Variants in ERBB4 observed in about 807,000 individuals in gnomAD.
ERBB4 encodes erb-b2 receptor tyrosine kinase 4.
ERBB4 carries 42 observed loss-of-function variants against 158.0 expected under a neutral mutation model. The ratio of observed to expected loss-of-function variants is 0.27; its 90% CI spans 0.21 to 0.34. ERBB4 has a LOEUF of 0.34. Ranked by LOEUF, ERBB4 falls within the 10% of genes least tolerant of loss-of-function variation. ERBB4 has a pLI of 1.00. For synonymous variants in ERBB4, 583 were observed against 558.7 expected, an observed-to-expected ratio of 1.04 and a Z score of -0.61; for missense variants, 1,333 against 1,624.1, an observed-to-expected ratio of 0.82 and a Z score of 3.08.
intron 1 of ERBB4, among the ~76,000 whole-genome samples, chr2:212,236,871 G>T (rs916447374): frequency 3.3e-5 from 5 of 151,992 alleles, no homozygotes; most frequent in Admixed American, 2.6e-4. Flanking sequence ...TTCTTTATTA[G>T]TCTGGCTAGC....
At chr2:211,411,797 T>C (rs904527156) in intron 25 of ERBB4, among the ~76,000 whole-genome samples, 2 of 152,214 alleles carry the variant, frequency 1.3e-5, no homozygotes, top group African/African-American at 4.8e-5. Context: ...TTCCAGTTTC[T>C]TCCCTTGATG....
intron 1 of ERBB4, among the ~76,000 whole-genome samples, chr2:212,126,001 T>C (rs1400443903): frequency 6.6e-6 from 1 of 152,212 alleles, no homozygotes; most frequent in Non-Finnish European, 1.5e-5. Context: ...TTTGTAAACA[T>C]ATACTACAAA....
chr2:211,578,265 C>T (rs1428922311), intron 19 of ERBB4, among the ~76,000 whole-genome samples: 6 of 152,068 alleles, frequency 3.9e-5, no homozygotes, highest in East Asian at 3.9e-4. Context: ...AGGACCTCTT[C>T]GAGGAGAACT....
intron 3 of ERBB4, among the ~76,000 whole-genome samples, chr2:211,897,571 G>C (rs892826244): frequency 1.3e-5 from 2 of 151,962 alleles, no homozygotes; most frequent in African/African-American, 4.8e-5. Flanking sequence ...CTCTGAATTA[G>C]ACCCAGCAGG....
At chr2:211,496,888 G>A (rs544421090) in intron 20 of ERBB4, among the ~76,000 whole-genome samples, 18 of 151,974 alleles carry the variant, frequency 1.2e-4, no homozygotes, top group South Asian at 1.0e-3. Context: ...ATGCCATTAC[G>A]GCCAGGCAAT....
At chr2:212,080,311 C>CA (rs919494249) in intron 2 of ERBB4, among the ~76,000 whole-genome samples, 23 of 142,554 alleles carry the variant, frequency 1.6e-4, no homozygotes, top group Admixed American at 7.2e-4. Context: ...GACTCCGTCT[C>CA]AAAAAAAAAT....
intron 2 of ERBB4, among the ~76,000 whole-genome samples, chr2:212,067,000 A>G (rs1460127251): frequency 6.6e-6 from 1 of 152,024 alleles, no homozygotes; most frequent in Non-Finnish European, 1.5e-5. Context: ...TATGGTTTTT[A>G]TAATAGCTTT....
chr2:211,461,173 A>G (rs1040225609), intron 20 of ERBB4, among the ~76,000 whole-genome samples: 7 of 152,156 alleles, frequency 4.6e-5, no homozygotes, highest in Non-Finnish European at 1.0e-4. Flanking sequence ...TGTCATTGGA[A>G]GAGATGAAAA....
chr2:211,505,207 G>T (rs1487124028), intron 20 of ERBB4, among the ~76,000 whole-genome samples: 1 of 151,842 alleles, frequency 6.6e-6, no homozygotes, highest in Non-Finnish European at 1.5e-5. Flanking sequence ...AGAGAGAAGT[G>T]TCAAATCACC....
chr2:212,116,628 G>T (rs2079579786), intron 2 of ERBB4, among the ~76,000 whole-genome samples: 1 of 152,038 alleles, frequency 6.6e-6, no homozygotes, highest in Non-Finnish European at 1.5e-5. Flanking sequence ...TAAAACATTT[G>T]TAGAGACAGG....
chr2:212,177,475 C>T lies in ERBB4; in HGVS notation c.83-52572G>A, dbSNP rs1470317378. ...TCTGAACTTTCAAAGTATATAGCAGCTTTCTAGCTTTCTTTTTATATTCAA... is the reference window on the plus strand; with the variant it reads ...TCTGAACTTTCAAAGTATATAGCAGTTTTCTAGCTTTCTTTTTATATTCAA... On this transcript the variant is annotated intron_variant, in intron 1 of 27. Transcript: ENST00000342788. Among the ~76,000 whole-genome samples, 3 of 151,856 alleles carry T rather than the reference C, an allele frequency of 2.0e-5. 1 individual carries two copies. The highest frequency in any genetic ancestry group is 4.8e-5 in the African/African-American group (2 of 41,364).
At chr2:211,388,077 C>G (rs368069315) in intron 25 of ERBB4, 85 bp from the exon 26 acceptor site, 1 of 1,062,380 alleles carries the variant, frequency 9.4e-7, no homozygotes, top group South Asian at 1.3e-5. Flanking sequence ...AAAAGAAAAG[C>G]CACATGGGTC....
chr2:211,773,348 T>TAC (rs1575125111), intron 4 of ERBB4, among the ~76,000 whole-genome samples: 2 of 151,666 alleles, frequency 1.3e-5, no homozygotes, highest in East Asian at 3.9e-4. Context: ...TATGTATAAA[T>TAC]TTACATAAAT....
intron 4 of ERBB4, among the ~76,000 whole-genome samples, chr2:211,759,489 G>A (rs531461542): frequency 6.1e-4 from 92 of 151,992 alleles, no homozygotes; most frequent in Non-Finnish European, 1.0e-3. Context: ...ATTTTCCTCC[G>A]GGCTTACTCC....
At chr2:212,063,427 T>C (rs948202093) in intron 2 of ERBB4, among the ~76,000 whole-genome samples, 6 of 152,256 alleles carry the variant, frequency 3.9e-5, no homozygotes, top group African/African-American at 1.4e-4. Context: ...AATCTGATGA[T>C]GACTGGCTAG....
intron 1 of ERBB4, among the ~76,000 whole-genome samples, chr2:212,477,394 T>C (rs1284019789): frequency 2.6e-5 from 4 of 152,108 alleles, no homozygotes; most frequent in Non-Finnish European, 4.4e-5. Flanking sequence ...TTACAATTAA[T>C]CTGACTGAAA....
chr2:211,488,734 T>A (rs1303712775), intron 20 of ERBB4, among the ~76,000 whole-genome samples: 1 of 152,114 alleles, frequency 6.6e-6, no homozygotes, highest in Non-Finnish European at 1.5e-5. Context: ...GAGTCTGTCC[T>A]CATCTTGCAA....
At chr2:212,147,902 C>T (rs1165795443) in intron 1 of ERBB4, among the ~76,000 whole-genome samples, 1 of 151,956 alleles carries the variant, frequency 6.6e-6, no homozygotes, top group Admixed American at 6.6e-5. Flanking sequence ...GCCTGTGGTC[C>T]CTTTTCTGTG....
At chr2:211,867,675 G>A (rs1230744184) in intron 3 of ERBB4, among the ~76,000 whole-genome samples, 3 of 152,084 alleles carry the variant, frequency 2.0e-5, no homozygotes, top group African/African-American at 7.2e-5. Flanking sequence ...TGATCATCCT[G>A]CCTCAACCTC....
Sources: gnomAD v4.1 joint callset for allele counts (sites outside exome capture counted in the v4.1 genomes callset) on GRCh38, gnomAD v4.1.1 for gene constraint, MANE v1.5 for transcripts, NCBI Gene and HGNC (gene_info 2026-07-23, HGNC 2026-07-21) for gene names.